The following UNC5D variants were observed in gnomAD, a reference collection of about 807,000 sequenced individuals.
UNC5D encodes unc-5 netrin receptor D.
UNC5D carries 39 observed loss-of-function variants against 105.4 expected under a neutral mutation model. The observed-to-expected ratio is 0.37, with a 90% CI of 0.29 to 0.48. The LOEUF is 0.48. UNC5D is among the 20% of genes least tolerant of loss of function. The probability of loss-of-function intolerance (pLI) is 0.98; values close to 1 mark genes in which losing one functional copy is unlikely to be tolerated. For missense variants in UNC5D, 991 were observed against 1,202.4 expected, an observed-to-expected ratio of 0.82 and a Z score of 2.60; for synonymous variants, 452 against 450.4, an observed-to-expected ratio of 1.00 and a Z score of -0.04.
intron 1 of UNC5D, among the ~76,000 whole-genome samples, chr8:35,409,684 T>A (rs1805033813): frequency 1.3e-5 from 2 of 151,978 alleles, no homozygotes. Context: ...TTTTTCCCAG[T>A]CTCTGGCTTG....
intron 1 of UNC5D, among the ~76,000 whole-genome samples, chr8:35,251,074 A>G (rs1227229824): frequency 1.3e-5 from 2 of 152,188 alleles, no homozygotes; most frequent in Non-Finnish European, 2.9e-5. Flanking sequence ...TAAGGTATGA[A>G]GATGACCGCC....
chr8:35,529,641 G>A (rs1207676629), intron 1 of UNC5D, among the ~76,000 whole-genome samples: 4 of 113,570 alleles, frequency 3.5e-5, no homozygotes, highest in Non-Finnish European at 5.3e-5. Context: ...ACCTTGGGCA[G>A]TATGGCCATT....
chr8:35,369,786 A>G (rs1802324598), intron 1 of UNC5D, among the ~76,000 whole-genome samples: 2 of 152,128 alleles, frequency 1.3e-5, no homozygotes, highest in African/African-American at 4.8e-5. Flanking sequence ...GAGCAGACCT[A>G]TGTCTCCTGA....
chr8:35,341,479 A>G (rs1811453596), intron 1 of UNC5D, among the ~76,000 whole-genome samples: 1 of 149,414 alleles, frequency 6.7e-6, no homozygotes, highest in South Asian at 2.1e-4. Flanking sequence ...TTGTTTTTCC[A>G]GTAGTGACAA....
At chr8:35,673,142 C>T (rs1824939502) in intron 4 of UNC5D, among the ~76,000 whole-genome samples, 1 of 152,088 alleles carries the variant, frequency 6.6e-6, no homozygotes, top group Admixed American at 6.6e-5. Context: ...GAAGAAACTG[C>T]AGTGTAGGTG....
At chr8:35,475,629 AC>A (rs1490456017) in intron 1 of UNC5D, among the ~76,000 whole-genome samples, 1 of 152,138 alleles carries the variant, frequency 6.6e-6, no homozygotes, top group Non-Finnish European at 1.5e-5. Context: ...ACATGTCAAC[AC>A]CTTTTTCCAG....
intron 1 of UNC5D, among the ~76,000 whole-genome samples, chr8:35,471,801 T>C (rs1028076637): frequency 6.6e-6 from 1 of 152,218 alleles, no homozygotes; most frequent in Non-Finnish European, 1.5e-5. Context: ...GTGGCTATTA[T>C]AGAATGTGAT....
At chr8:35,448,285 A>T (rs758243382) in intron 1 of UNC5D, among the ~76,000 whole-genome samples, 1 of 152,060 alleles carries the variant, frequency 6.6e-6, no homozygotes, top group Non-Finnish European at 1.5e-5. Context: ...AAGACTTTTA[A>T]AGAGTATTTT....
chr8:35,752,596 T>C (rs1830339182), intron 13 of UNC5D, among the ~76,000 whole-genome samples: 1 of 152,128 alleles, frequency 6.6e-6, no homozygotes, highest in Non-Finnish European at 1.5e-5. Flanking sequence ...TCAGTGTAAG[T>C]AGTTAAACCT....
At chr8:35,375,613 T>A (rs866719921) in intron 1 of UNC5D, among the ~76,000 whole-genome samples, 1 of 152,168 alleles carries the variant, frequency 6.6e-6, no homozygotes, top group Admixed American at 6.6e-5. Context: ...ATTTTAACAA[T>A]GGAATTTCAT....
intron 1 of UNC5D, among the ~76,000 whole-genome samples, chr8:35,439,822 A>G (rs1400390362): frequency 6.6e-6 from 1 of 152,040 alleles, no homozygotes; most frequent in East Asian, 1.9e-4. Context: ...CCTTCTAAAT[A>G]TGAAAAGCAC....
Position 35,437,294 on chromosome 8 carries a change from A to AT in UNC5D, c.104-111993dup, listed in dbSNP as rs1357201910. ...TTATGTTTATATTATTGACTTCTTG[A>AT]TTTTTCAATGTGTTACATTTCCTCT... is the stretch of plus-strand genomic sequence containing the variant. On this transcript the variant is annotated intron_variant, in intron 1 of 16. Transcript: ENST00000404895. Among the ~76,000 whole-genome samples the AT allele has an allele frequency of 2.0e-5, 3 of 151,920 alleles. No individual in the cohort carries two copies. In the East Asian group the frequency reaches 5.8e-4, roughly 29 times the overall value.
At chr8:35,563,349 T>A (rs1233943646) in intron 2 of UNC5D, among the ~76,000 whole-genome samples, 1 of 113,470 alleles carries the variant, frequency 8.8e-6, no homozygotes, top group African/African-American at 3.4e-5. Flanking sequence ...TTCCCAGGTA[T>A]TTTTTGTGGG....
chr8:35,471,043 A>G (rs967175880), intron 1 of UNC5D, among the ~76,000 whole-genome samples: 3 of 152,144 alleles, frequency 2.0e-5, no homozygotes, highest in African/African-American at 7.2e-5. Flanking sequence ...AGATCTCAGC[A>G]CTCAAACCTG....
intron 1 of UNC5D, among the ~76,000 whole-genome samples, chr8:35,475,025 C>T (rs982993928): frequency 5.9e-5 from 9 of 152,152 alleles, no homozygotes; most frequent in African/African-American, 2.2e-4. Context: ...TTCAGTGGTT[C>T]TCTCTGGATG....
intron 1 of UNC5D, among the ~76,000 whole-genome samples, chr8:35,384,043 G>A (rs1657456780): frequency 6.6e-6 from 1 of 152,036 alleles, no homozygotes; most frequent in African/African-American, 2.4e-5. Flanking sequence ...GTGAAACCCT[G>A]TCTGTACTAA....
chr8:35,722,435 C>T (rs1828633098), intron 9 of UNC5D, 40 bp downstream of exon 9: 1 of 1,594,342 alleles, frequency 6.3e-7, no homozygotes, highest in African/African-American at 1.3e-5. Flanking sequence ...TCCTCAGTGC[C>T]ATAGACTACG....
chr8:35,547,218 G>A (rs1469199413), intron 1 of UNC5D, among the ~76,000 whole-genome samples: 1 of 151,028 alleles, frequency 6.6e-6, no homozygotes, highest in African/African-American at 2.4e-5. Flanking sequence ...ACCTCTTGAA[G>A]TCTGAGCCTT....
Position 35,525,284 on chromosome 8 carries a change from G to A in UNC5D, c.104-24008G>A, listed in dbSNP as rs571061168. On this transcript the variant is annotated intron_variant, in intron 1 of 16. Transcript: ENST00000404895. ...GTTTTTCAACTATTTTGCGTACATG[G>A]CTCAGTGCACTCCCCTCTTTGCCTT... 36 of 1,612,180 alleles carry A rather than the reference G, an allele frequency of 2.2e-5. No homozygotes were observed. In the African/African-American group the frequency reaches 4.8e-4, roughly 22 times the overall value.
Sources: allele counts gnomAD v4.1 joint callset (sites outside exome capture counted in the v4.1 genomes callset), GRCh38; gene constraint gnomAD v4.1.1; transcripts MANE v1.5; gene names NCBI Gene and HGNC (gene_info 2026-07-23, HGNC 2026-07-21).